ZNF609: variants seen among roughly 807,000 people sequenced by gnomAD.
The protein encoded by ZNF609 is zinc finger protein 609.
Under a neutral mutation model 109.5 loss-of-function variants are expected in ZNF609, and 11 were observed. The ratio of observed to expected loss-of-function variants is 0.10; its 90% CI spans 0.06 to 0.17. The LOEUF is 0.17. ZNF609 is among the 10% of genes least tolerant of loss of function. The pLI, the probability that ZNF609 is intolerant of heterozygous loss-of-function variation, is 1.00. For missense variants in ZNF609, 1,559 were observed against 1,772.4 expected (o/e 0.88, Z 2.16); for synonymous variants, 646 against 662.0 (o/e 0.98, Z 0.37).
intron 2 of ZNF609, among the ~76,000 whole-genome samples, chr15:64,616,076 T>C (rs936136929): frequency 4.6e-5 from 7 of 152,016 alleles, no homozygotes; most frequent in Non-Finnish European, 5.9e-5. Context: ...TGAAGCGCAG[T>C]GGTGCAGTCA....
rs2083232656 is a variant in ZNF609 at position 64,684,967 on chromosome 15, C to T, written c.*3281C>T. On this transcript the variant is annotated 3_prime_UTR_variant, in exon 10 of 10. Transcript: ENST00000326648. Reference sequence around the variant, plus strand: ...CTCCCAGGCCCTGTCCCCAGCCCCTCCTGCCCCAGCCCACCCGCTTGCCTT... The same window carrying T: ...CTCCCAGGCCCTGTCCCCAGCCCCTTCTGCCCCAGCCCACCCGCTTGCCTT... 3 of 152,816 alleles carry T rather than the reference C, an allele frequency of 2.0e-5. No individual in the cohort carries two copies. In the South Asian group the frequency reaches 6.2e-4, roughly 32 times the overall value. 9.5% of individuals were successfully genotyped at this position (152,816 alleles called of 1,614,324 possible).
intron 3 of ZNF609, among the ~76,000 whole-genome samples, chr15:64,664,575 C>G (rs1382139319): frequency 2.6e-5 from 4 of 152,046 alleles, no homozygotes; most frequent in Non-Finnish European, 5.9e-5. Flanking sequence ...TAAAGCTAGC[C>G]CCTAATAGAG....
At chr15:64,600,449 C>CA (rs60948226) in intron 2 of ZNF609, among the ~76,000 whole-genome samples, 4,348 of 53,216 alleles carry the variant, frequency 0.082, 126 homozygotes, top group Non-Finnish European at 0.11. Flanking sequence ...GGCTGTGTCT[C>CA]AAAAAAAAAA....
intron 2 of ZNF609, among the ~76,000 whole-genome samples, chr15:64,514,977 G>A (rs943822555): frequency 4.6e-5 from 7 of 151,872 alleles, no homozygotes; most frequent in Admixed American, 3.9e-4. Flanking sequence ...ATTTTTTGTT[G>A]TTGTTGTTAT....
chr15:64,676,193 G>A lies in ZNF609; in HGVS notation c.3339G>A (p.Glu1113=). The A allele has an allele frequency of 6.2e-7, 1 of 1,614,166 alleles. No homozygotes were observed. The highest frequency in any genetic ancestry group is 1.3e-5 in the African/African-American group (1 of 75,042). The part of the protein sequence containing the change: ...DASHLSKEAS[E]AKTGAECGRQ... ...GCCACCTAAGCAAGGAGGCCTCTGA[G>A]GCCAAGACAGGTGCTGAGTGTGGTC... is the stretch of plus-strand genomic sequence containing the variant. Residue 1113 remains glutamate (E), a synonymous_variant, in exon 5 of 10, where the codon GAG becomes GAA. Transcript: ENST00000326648.
chr15:64,639,129 C>T (rs1257192300), intron 3 of ZNF609, among the ~76,000 whole-genome samples: 1 of 152,128 alleles, frequency 6.6e-6, no homozygotes, highest in Non-Finnish European at 1.5e-5. Flanking sequence ...GGAGCTTGGA[C>T]TTGCCTATTG....
At chr15:64,565,365 G>C (rs1421017829) in intron 2 of ZNF609, among the ~76,000 whole-genome samples, 1 of 151,694 alleles carries the variant, frequency 6.6e-6, no homozygotes, top group Non-Finnish European at 1.5e-5. Flanking sequence ...ATAGGCATGA[G>C]CCACCACACC....
At chr15:64,658,341 G>A (rs1896521407) in intron 3 of ZNF609, among the ~76,000 whole-genome samples, 1 of 152,034 alleles carries the variant, frequency 6.6e-6, no homozygotes, top group South Asian at 2.1e-4. Context: ...GGGATTACAG[G>A]CATGCACCAC....
chr15:64,645,008 T>TCTTCCTTCCTTCCTTCCTTC (rs1170783769), intron 3 of ZNF609, among the ~76,000 whole-genome samples: 1 of 140,064 alleles, frequency 7.1e-6, no homozygotes, highest in African/African-American at 2.9e-5. Context: ...TTTCTTTCTT[T>TCTTCCTTCCTTCCTTCCTTC]CTTCCTTCCT....
chr15:64,557,011 G>T (rs1894599780), intron 2 of ZNF609, among the ~76,000 whole-genome samples: 1 of 152,074 alleles, frequency 6.6e-6, no homozygotes, highest in South Asian at 2.1e-4. Context: ...GTAATAACAA[G>T]TTAATATTAA....
chr15:64,546,140 G>T (rs1010561396), intron 2 of ZNF609, among the ~76,000 whole-genome samples: 1 of 152,212 alleles, frequency 6.6e-6, no homozygotes, highest in Non-Finnish European at 1.5e-5. Context: ...GAGAGTTCTA[G>T]TTGCTGCAAA....
chr15:64,607,890 TC>T (rs1895637615), intron 2 of ZNF609, among the ~76,000 whole-genome samples: 4 of 12,376 alleles, frequency 3.2e-4, no homozygotes, highest in Non-Finnish European at 3.5e-4. Flanking sequence ...TTCTTTCTTT[TC>T]TTTCTTTTTT....
chr15:64,593,155 C>A lies in ZNF609; in HGVS notation c.748-29672C>A, dbSNP rs1195687815. On this transcript the variant is annotated intron_variant, in intron 2 of 9. Coordinates refer to ENST00000326648, the MANE Select transcript of ZNF609 (RefSeq NM_015042.2). ...GGGACATTTCTGAAGCGAGCGTCTT[C>A]GATGCCTATGTGCTTCCCAAGCTGT... is the stretch of plus-strand genomic sequence containing the variant. The A allele has an allele frequency of 2.1e-5, 33 of 1,564,810 alleles. No individual in the cohort carries two copies. In the South Asian group the frequency reaches 3.5e-4, roughly 17 times the overall value.
At chr15:64,611,765 G>C (rs1474747282) in intron 2 of ZNF609, among the ~76,000 whole-genome samples, 3 of 145,928 alleles carry the variant, frequency 2.1e-5, no homozygotes, top group African/African-American at 5.1e-5. Flanking sequence ...GGAGTCTTTT[G>C]CTTTGTTGCC....
chr15:64,655,311 A>C (rs1005091626), intron 3 of ZNF609, among the ~76,000 whole-genome samples: 2 of 150,392 alleles, frequency 1.3e-5, no homozygotes, highest in Non-Finnish European at 3.0e-5. Context: ...GCATGGTGGC[A>C]CATGCCTGTA....
intron 3 of ZNF609, among the ~76,000 whole-genome samples, chr15:64,643,217 C>T (rs1250353491): frequency 6.6e-6 from 1 of 152,208 alleles, no homozygotes; most frequent in African/African-American, 2.4e-5. Context: ...AACTCTCCCT[C>T]AGCTCTCAGT....
chr15:64,480,031 G>A (rs891421186), intron 1 of ZNF609, among the ~76,000 whole-genome samples: 1 of 150,868 alleles, frequency 6.6e-6, no homozygotes, highest in Non-Finnish European at 1.5e-5. Context: ...GAAGTCAGAA[G>A]CTCGAAACCA....
intron 3 of ZNF609, among the ~76,000 whole-genome samples, chr15:64,657,760 G>A (rs1451459334): frequency 2.0e-5 from 3 of 152,242 alleles, no homozygotes; most frequent in Non-Finnish European, 4.4e-5. Context: ...GACTCTAGTG[G>A]TTGTGGGGAT....
chr15:64,674,503 G>A lies in ZNF609; in HGVS notation c.1649G>A (p.Gly550Asp), dbSNP rs1412636928. ...CATGCAGATCTTGGGAGCTGCAACG[G>A]TGCATCTGTCTCACAAAAAGGTTCC... ...ILHADLGSCN[G>D]ASVSQKGSLS... Residue 550 changes from glycine to aspartate, a missense_variant, in exon 5 of 10, where the codon GGT becomes GAT. By Grantham distance (94) the Gly-to-Asp change is moderately conservative. Coordinates refer to ENST00000326648, the MANE Select transcript of ZNF609 (RefSeq NM_015042.2). 1 of 1,614,138 alleles carries A rather than the reference G, an allele frequency of 6.2e-7. No homozygotes were observed. The highest frequency in any genetic ancestry group is 1.3e-5 in the African/African-American group (1 of 75,024).
Sources: gnomAD v4.1 joint callset for allele counts (sites outside exome capture counted in the v4.1 genomes callset) on GRCh38, gnomAD v4.1.1 for gene constraint, MANE v1.5 for transcripts, NCBI Gene and HGNC (gene_info 2026-07-23, HGNC 2026-07-21) for gene names.